THRB: variants seen among roughly 807,000 people sequenced by gnomAD.
The protein encoded by THRB is nuclear receptor subfamily 1 group A member 2.
A neutral mutation model predicts 47.8 loss-of-function variants in THRB; 12 were observed. The ratio of observed to expected loss-of-function variants is 0.25; its 90% CI spans 0.16 to 0.41. The LOEUF (loss-of-function observed/expected upper bound fraction) is 0.41. Ranked by LOEUF, THRB falls within the 10% of genes least tolerant of loss-of-function variation. The pLI is 1.00. For missense variants in THRB, 348 were observed against 589.2 expected, an observed-to-expected ratio of 0.59 and a Z score of 4.24; for synonymous variants, 218 against 212.2, an observed-to-expected ratio of 1.03 and a Z score of -0.24.
chr3:24,328,438 C>T (rs2061722283), intron 2 of THRB, among the ~76,000 whole-genome samples: 1 of 152,104 alleles, frequency 6.6e-6, no homozygotes, highest in Non-Finnish European at 1.5e-5. Flanking sequence ...CCTCAAACTC[C>T]AAATGTCCAA....
intron 1 of THRB, among the ~76,000 whole-genome samples, chr3:24,478,572 A>G (rs960571568): frequency 6.7e-6 from 1 of 149,592 alleles, no homozygotes; most frequent in Non-Finnish European, 1.5e-5. Flanking sequence ...AAAGGAAGGA[A>G]AAGAAAAAAG....
chr3:24,163,447 A>C (rs2039191810), intron 5 of THRB, among the ~76,000 whole-genome samples: 2 of 152,186 alleles, frequency 1.3e-5, no homozygotes, highest in South Asian at 4.1e-4. Flanking sequence ...CAGTGAAAAG[A>C]TAAAAGAGAA....
chr3:24,348,290 G>A (rs1242501250), intron 1 of THRB, among the ~76,000 whole-genome samples: 1 of 152,072 alleles, frequency 6.6e-6, no homozygotes, highest in Non-Finnish European at 1.5e-5. Flanking sequence ...CTAGGTGTAT[G>A]GCAAATTTTG....
intron 1 of THRB, among the ~76,000 whole-genome samples, chr3:24,451,029 C>T (rs1443066059): frequency 6.6e-6 from 1 of 152,070 alleles, no homozygotes; most frequent in Non-Finnish European, 1.5e-5. Context: ...GTTTCCCACA[C>T]CCAGGTTTTG....
intron 2 of THRB, among the ~76,000 whole-genome samples, chr3:24,310,169 T>A (rs2057653789): frequency 6.6e-6 from 1 of 152,232 alleles, no homozygotes. Flanking sequence ...TCAATCATGC[T>A]ACTACTTACT....
chr3:24,396,994 C>A lies in THRB; in HGVS notation c.-260-59623G>T, dbSNP rs117398707. Among the ~76,000 whole-genome samples the A allele has an allele frequency of 3.9e-3, 598 of 152,152 alleles. 6 individuals are homozygous for A. Among genetic ancestry groups the A allele is most frequent in the East Asian group, 0.018 (95 of 5,160 alleles). ...CTATTCTTAAGCACAATTGGAAATT[C>A]AAATACCAGTTTATGTGACTTAAGA... is the stretch of plus-strand genomic sequence containing the variant. On this transcript the variant is annotated intron_variant, in intron 1 of 10. Coordinates refer to ENST00000646209, the MANE Select transcript of THRB (RefSeq NM_001354712.2).
intron 3 of THRB, among the ~76,000 whole-genome samples, chr3:24,277,905 A>G (rs901804354): frequency 4.6e-5 from 7 of 152,250 alleles, no homozygotes; most frequent in African/African-American, 1.7e-4. Flanking sequence ...GATGTTCTCA[A>G]TTAAGGGGTG....
chr3:24,227,717 G>A (rs1241811056), intron 4 of THRB, among the ~76,000 whole-genome samples: 1 of 152,168 alleles, frequency 6.6e-6, no homozygotes, highest in East Asian at 1.9e-4. Flanking sequence ...TGGAGAATAA[G>A]TTCTTGGAGC....
intron 3 of THRB, among the ~76,000 whole-genome samples, chr3:24,275,360 C>G (rs1384150233): frequency 6.6e-6 from 1 of 152,194 alleles, no homozygotes; most frequent in African/African-American, 2.4e-5. Flanking sequence ...CCTTCTTCAT[C>G]TATTAAATGA....
intron 1 of THRB, among the ~76,000 whole-genome samples, chr3:24,472,780 G>A (rs912351827): frequency 6.6e-6 from 1 of 152,156 alleles, no homozygotes; most frequent in Non-Finnish European, 1.5e-5. Context: ...CAGGTTTCAA[G>A]GGAGTCCAAT....
At position 24,218,258 on chromosome 3, in the gene THRB, ACT is replaced by A. The variant is rs1177431118; in HGVS notation, c.22+10678_22+10679del. On this transcript the variant is annotated intron_variant, in intron 4 of 10. Transcript: ENST00000646209. The stretch of plus-strand genomic sequence containing the variant: ...ACTCCAGCCTGGGCGACAGAGTAAG[ACT>A]CTGTCTCAAAAAAAAACAAAAAACA... Among the ~76,000 whole-genome samples, 13 of 150,394 alleles carry A rather than the reference ACT, an allele frequency of 8.6e-5. No homozygotes were observed. In the East Asian group the frequency reaches 2.2e-3, roughly 25 times the overall value.
intron 1 of THRB, among the ~76,000 whole-genome samples, chr3:24,344,115 A>G (rs114328835): frequency 0.015 from 2,236 of 151,982 alleles, 18 homozygotes; most frequent in Non-Finnish European, 0.024. Flanking sequence ...CTGTATTTAC[A>G]TGAAAACTTA....
chr3:24,143,551 C>T lies in THRB; in HGVS notation c.688G>A (p.Val230Met). 6.2e-7 allele frequency: 1 copy of T among 1,614,248 alleles called. No homozygotes were observed. The highest frequency in any genetic ancestry group is 8.5e-7 in the Non-Finnish European group (1 of 1,180,038). ...ELIKTVTEAH[V>M]ATNAQGSHWK... ...TGGCTGCCTTGGGCGTTGGTCGCCA[C>T]ATGGGCTTCGGTGACAGTTTTGATG... The change falls in exon 8 of 11, where the codon GTG becomes ATG. Residue 230 changes from valine to methionine, a missense_variant. By Grantham distance (21) the Val-to-Met change is conservative (BLOSUM62 1). Transcript: ENST00000646209.
intron 2 of THRB, among the ~76,000 whole-genome samples, chr3:24,323,353 T>C (rs1186494565): frequency 6.6e-6 from 1 of 152,146 alleles, no homozygotes; most frequent in Admixed American, 6.5e-5. Context: ...TGTTTTCAAA[T>C]AGCATTCTTA....
chr3:24,228,183 C>T (rs2047866281), intron 4 of THRB, among the ~76,000 whole-genome samples: 1 of 152,058 alleles, frequency 6.6e-6, no homozygotes, highest in South Asian at 2.1e-4. Context: ...TAACCTTTGT[C>T]ATCACTGGTG....
chr3:24,482,538 C>CTCTCTCTCTCTCT (rs1696624544), intron 1 of THRB, among the ~76,000 whole-genome samples: 3 of 130,988 alleles, frequency 2.3e-5, no homozygotes, highest in African/African-American at 9.0e-5. Context: ...TTTCTGTCTC[C>CTCTCTCTCTCTCT]CTCTCTCTCT....
chr3:24,312,078 C>G (rs2057794854), intron 2 of THRB, among the ~76,000 whole-genome samples: 1 of 152,112 alleles, frequency 6.6e-6, no homozygotes. Flanking sequence ...GTGCTGTTTC[C>G]CCTGCCAAGA....
At chr3:24,305,540 A>G (rs549428972) in intron 2 of THRB, among the ~76,000 whole-genome samples, 39 of 152,328 alleles carry the variant, frequency 2.6e-4, no homozygotes, top group African/African-American at 7.5e-4. Flanking sequence ...AATTGATCCA[A>G]AACTAATTTA....
rs114536499 is a variant in THRB, at chr3:24,480,334, G to C, written c.-261+14318C>G. Among the ~76,000 whole-genome samples, 1,060 of 152,280 alleles carry C rather than the reference G, an allele frequency of 7.0e-3. 6 individuals carry two copies. The highest frequency in any genetic ancestry group is 0.015 in the African/African-American group (641 of 41,536). ...CTTAGGAGGGGCCTCAGGATTACTA[G>C]AGATTGGCCAATTTTTCCATCCCCA... On this transcript the variant is annotated intron_variant, in intron 1 of 10. Transcript: ENST00000646209.
Sources: allele counts gnomAD v4.1 joint callset (sites outside exome capture counted in the v4.1 genomes callset), GRCh38; gene constraint gnomAD v4.1.1; transcripts MANE v1.5; gene names NCBI Gene and HGNC (gene_info 2026-07-23, HGNC 2026-07-21).